The following ELAVL4 variants were observed in gnomAD, a reference collection of about 807,000 sequenced individuals.
The protein encoded by ELAVL4 is ELAV-like protein 4.
ELAVL4 carries 1 observed loss-of-function variant against 35.6 expected under a neutral mutation model. The observed-to-expected ratio is 0.03, with a 90% CI of 0.01 to 0.13. ELAVL4 has a LOEUF of 0.13. Among genes scored for constraint, ELAVL4 ranks in the 10% least tolerant of loss-of-function variants. The pLI is 1.00. For missense variants in ELAVL4, 267 were observed against 464.9 expected, an observed-to-expected ratio of 0.57 and a Z score of 3.91; for synonymous variants, 156 against 171.0, an observed-to-expected ratio of 0.91 and a Z score of 0.69.
chr1:50,139,391 C>G (rs1672440883), intron 1 of ELAVL4, among the ~76,000 whole-genome samples: 1 of 152,174 alleles, frequency 6.6e-6, no homozygotes, highest in Non-Finnish European at 1.5e-5. Context: ...GTAGACATGT[C>G]TCCACAAGTC....
chr1:50,129,088 T>C (rs1278730652), intron 1 of ELAVL4, among the ~76,000 whole-genome samples: 1 of 152,020 alleles, frequency 6.6e-6, no homozygotes, highest in African/African-American at 2.4e-5. Flanking sequence ...TTAATTATTA[T>C]AAATTATTAT....
chr1:50,107,808 C>T (rs1225292621), upstream of ELAVL4, among the ~76,000 whole-genome samples: 1 of 152,146 alleles, frequency 6.6e-6, no homozygotes, highest in Non-Finnish European at 1.5e-5. Context: ...ACTTAAAAAA[C>T]CCAAACCAGA....
chr1:50,093,736 T>C, intron 1 of ELAVL4, among the ~76,000 whole-genome samples: 1 of 152,224 alleles, frequency 6.6e-6, no homozygotes, highest in South Asian at 2.1e-4. Context: ...TGTGATTCTA[T>C]TCTGGACACT....
upstream of ELAVL4, among the ~76,000 whole-genome samples, chr1:50,107,865 T>C (rs1020141347): frequency 6.6e-6 from 1 of 152,166 alleles, no homozygotes; most frequent in African/African-American, 2.4e-5. Context: ...GGTTGTTAAA[T>C]GTGTAAATAG....
At chr1:50,120,741 A>G in intron 1 of ELAVL4, among the ~76,000 whole-genome samples, 1 of 152,022 alleles carries the variant, frequency 6.6e-6, no homozygotes, top group East Asian at 1.9e-4. Flanking sequence ...GACTGCTTTT[A>G]GGGTTATAGT....
At chr1:50,164,575 T>G (rs1677401933) in intron 2 of ELAVL4, among the ~76,000 whole-genome samples, 1 of 152,172 alleles carries the variant, frequency 6.6e-6, no homozygotes, top group South Asian at 2.1e-4. Flanking sequence ...GTGGAAGGAT[T>G]GCTTGAGGCC....
intron 3 of ELAVL4, among the ~76,000 whole-genome samples, chr1:50,191,047 A>AAC (rs1050216652): frequency 1.3e-5 from 2 of 152,202 alleles, no homozygotes; most frequent in East Asian, 3.9e-4. Context: ...TCCCTGGCAT[A>AAC]ACACACACAT....
At chr1:50,110,861 C>T (rs1334820863) in intron 1 of ELAVL4, among the ~76,000 whole-genome samples, 3 of 151,864 alleles carry the variant, frequency 2.0e-5, no homozygotes, top group African/African-American at 7.3e-5. Flanking sequence ...CAACTGAAAG[C>T]GATAGCTGGG....
intron 4 of ELAVL4, among the ~76,000 whole-genome samples, chr1:50,194,370 A>G (rs1254681007): frequency 6.6e-6 from 1 of 152,348 alleles, no homozygotes; most frequent in Admixed American, 6.5e-5. Flanking sequence ...TGACTCCCCA[A>G]AGCTAGTTAG....
intron 1 of ELAVL4, among the ~76,000 whole-genome samples, chr1:50,136,995 T>C (rs1367595040): frequency 6.6e-6 from 1 of 152,238 alleles, no homozygotes; most frequent in African/African-American, 2.4e-5. Context: ...TGAAAGTAGG[T>C]GTAGGTTAAC....
In ELAVL4 at chr1:50,109,017, C is replaced by CGGGGGGGG; in HGVS notation, c.-173_-172insGGGGGGGG. ...TCCTTTTCTTTTTTTTCTTTCTCTC[C>CGGGGGGGG]CCCGCCCACCCCCCCAAAAATAATT... On this transcript the variant is annotated 5_prime_UTR_variant, in exon 1 of 7. Transcript: ENST00000371824. 7.4e-6 allele frequency: 4 copies of CGGGGGGGG among 539,664 alleles called. No individual in the cohort carries two copies. Among genetic ancestry groups the CGGGGGGGG allele is most frequent in the Non-Finnish European group, 9.3e-6 (4 of 431,772 alleles). The allele number at this position is 539,664 out of a possible 1,614,324, so 33.4% of individuals were successfully genotyped here.
At chr1:50,115,682 C>T (rs138160414) in intron 1 of ELAVL4, among the ~76,000 whole-genome samples, 3 of 152,106 alleles carry the variant, frequency 2.0e-5, no homozygotes, top group Non-Finnish European at 4.4e-5. Flanking sequence ...TCTGTTTGCA[C>T]TTCGTAGCAT....
intron 3 of ELAVL4, among the ~76,000 whole-genome samples, chr1:50,188,248 C>T (rs558793165): frequency 6.6e-6 from 1 of 152,304 alleles, no homozygotes; most frequent in African/African-American, 2.4e-5. Context: ...TTCTGTGAAG[C>T]AGATTTCAGG....
rs142738769 is a variant in ELAVL4 at position 50,178,491 on chromosome 1, A to G, written c.354+1299A>G. The stretch of plus-strand genomic sequence containing the variant: ...TTTTTTAAGCAGCTTTACTTTTGCA[A>G]TTGAGTTTAGCTTATTTCTAAAGAT... On this transcript the variant is annotated intron_variant, in intron 3 of 6. Coordinates refer to ENST00000371824, the MANE Select transcript of ELAVL4 (RefSeq NM_001144774.3). 6.7e-3 allele frequency among the ~76,000 whole-genome samples: 1,023 copies of G among 152,266 alleles called. 6 individuals carry two copies. The highest frequency in any genetic ancestry group is 0.027 in the Middle Eastern group (8 of 294).
intron 1 of ELAVL4, among the ~76,000 whole-genome samples, chr1:50,097,891 T>A (rs1665786449): frequency 6.6e-6 from 1 of 152,224 alleles, no homozygotes; most frequent in African/African-American, 2.4e-5. Flanking sequence ...TTGTGTGTTT[T>A]GTTTCCTTTT....
chr1:50,170,056 C>T (rs1678706921), intron 2 of ELAVL4, among the ~76,000 whole-genome samples: 1 of 152,126 alleles, frequency 6.6e-6, no homozygotes, highest in Non-Finnish European at 1.5e-5. Context: ...ATATTATATG[C>T]TCCAATGTAA....
At chr1:50,184,049 A>G (rs2148852305) in intron 3 of ELAVL4, among the ~76,000 whole-genome samples, 2 of 152,322 alleles carry the variant, frequency 1.3e-5, no homozygotes, top group Middle Eastern at 6.8e-3. Flanking sequence ...AGCAGAAACC[A>G]GAGACACGTT....
intron 6 of ELAVL4, among the ~76,000 whole-genome samples, chr1:50,199,745 A>AAAAAAAAAG (rs1557871666): frequency 6.6e-6 from 1 of 151,876 alleles, no homozygotes; most frequent in Non-Finnish European, 1.5e-5. Flanking sequence ...AAAAAAAAAG[A>AAAAAAAAAG]AAAAAGTCCC....
At chr1:50,103,905 G>C (rs1477401163), upstream of ELAVL4, 2 of 1,611,828 alleles carry the variant, frequency 1.2e-6, no homozygotes, top group Non-Finnish European at 1.7e-6. Flanking sequence ...GAAGAGAGAG[G>C]CTCAGTCTGA....
Sources: gnomAD v4.1 joint callset for allele counts (sites outside exome capture counted in the v4.1 genomes callset) on GRCh38, gnomAD v4.1.1 for gene constraint, MANE v1.5 for transcripts, NCBI Gene and HGNC (gene_info 2026-07-23, HGNC 2026-07-21) for gene names.